The following ANO10 variants were observed in gnomAD, a reference collection of about 807,000 sequenced individuals.
The protein encoded by ANO10 is anoctamin-10.
A neutral mutation model predicts 74.7 loss-of-function variants in ANO10; 77 were observed. The observed-to-expected ratio is 1.03, with a 90% CI of 0.86 to 1.25. The LOEUF is 1.25. ANO10 is among the 50% of genes most tolerant of loss of function. The pLI is 0.00. For missense variants in ANO10, 721 were observed against 778.1 expected, an observed-to-expected ratio of 0.93 and a Z score of 0.87; for synonymous variants, 279 against 284.9, an observed-to-expected ratio of 0.98 and a Z score of 0.21.
chr3:43,458,291 A>G (rs1369125194), intron 11 of ANO10, among the ~76,000 whole-genome samples: 4 of 152,174 alleles, frequency 2.6e-5, no homozygotes. Flanking sequence ...CCCACAGATG[A>G]ATCTCCTTAA....
chr3:43,411,733 G>C (rs951167654), intron 12 of ANO10, among the ~76,000 whole-genome samples: 2 of 152,080 alleles, frequency 1.3e-5, no homozygotes, highest in Non-Finnish European at 2.9e-5. Flanking sequence ...TCCAATGTAG[G>C]GCCATCTAAA....
At position 43,600,550 on chromosome 3, in the gene ANO10, A is replaced by G; in HGVS notation, c.171T>C (p.Asn57=). 1 of 1,613,052 alleles carries G rather than the reference A, an allele frequency of 6.2e-7. No homozygotes were observed. The highest frequency in any genetic ancestry group is 8.5e-7 in the Non-Finnish European group (1 of 1,179,012). ...TTTCTAGTGTTTCTTGTTCATATTT[A>G]TTTAACAATGGTCTAAACAACAACT... ...GAQLLFRPLL[N]KYEQETLENQ... The change falls in exon 3 of 13, where the codon AAT becomes AAC. Residue 57 remains asparagine, a synonymous_variant. Coordinates refer to ENST00000292246, the MANE Select transcript of ANO10 (RefSeq NM_018075.5).
At chr3:43,641,433 C>G (rs551901640) in intron 1 of ANO10, among the ~76,000 whole-genome samples, 1 of 152,182 alleles carries the variant, frequency 6.6e-6, no homozygotes, top group Non-Finnish European at 1.5e-5. Flanking sequence ...TACAAAGCTA[C>G]ATAGCAAGTT....
At chr3:43,658,324 C>T (rs1055217209) in intron 1 of ANO10, among the ~76,000 whole-genome samples, 1 of 152,018 alleles carries the variant, frequency 6.6e-6, no homozygotes, top group Non-Finnish European at 1.5e-5. Context: ...GAAGAATAAG[C>T]ATTAGCATGG....
intron 12 of ANO10, among the ~76,000 whole-genome samples, chr3:43,367,187 C>T (rs911002490): frequency 6.6e-6 from 1 of 152,150 alleles, no homozygotes; most frequent in Non-Finnish European, 1.5e-5. Flanking sequence ...TGTGTGAGCC[C>T]AGACCAGCAG....
At chr3:43,465,366 C>T (rs1381620260) in intron 11 of ANO10, among the ~76,000 whole-genome samples, 1 of 152,136 alleles carries the variant, frequency 6.6e-6, no homozygotes, top group East Asian at 1.9e-4. Flanking sequence ...CAAAAATGTA[C>T]AGCATGTTAC....
intron 1 of ANO10, among the ~76,000 whole-genome samples, chr3:43,611,860 GTAGT>G: frequency 6.6e-6 from 1 of 152,012 alleles, no homozygotes; most frequent in Non-Finnish European, 1.5e-5. Flanking sequence ...TAGGGTAGAG[GTAGT>G]CTACCTAGTG....
At position 43,605,600 on chromosome 3, in the gene ANO10, A is replaced by G. The variant is rs527369414; in HGVS notation, c.139+114T>C. Reference sequence around the variant, plus strand: ...ATTAGTAAATAAAATATATCAACGAAAATTATAAAACACATTTGCAAATAC... The same window carrying G: ...ATTAGTAAATAAAATATATCAACGAGAATTATAAAACACATTTGCAAATAC... On this transcript the variant is annotated intron_variant, in intron 2 of 12. Transcript: ENST00000292246. The G allele has an allele frequency of 1.7e-5, 24 of 1,407,282 alleles. No homozygotes were observed. The South Asian group carries it at 3.0e-4, about 18-fold the overall frequency. The allele number at this position is 1,407,282 out of a possible 1,614,324, so 87.2% of individuals were successfully genotyped here.
At chr3:43,495,583 A>G (rs2076883277) in intron 11 of ANO10, among the ~76,000 whole-genome samples, 1 of 152,220 alleles carries the variant, frequency 6.6e-6, no homozygotes, top group Admixed American at 6.5e-5. Flanking sequence ...GCAGCTTCAC[A>G]GATGAGGCAT....
At chr3:43,639,415 T>C (rs186120111) in intron 1 of ANO10, among the ~76,000 whole-genome samples, 108 of 152,304 alleles carry the variant, frequency 7.1e-4, no homozygotes, top group African/African-American at 2.4e-3. Context: ...GTTTAAGACA[T>C]AGATCCAAAT....
chr3:43,668,801 C>T (rs927108307), intron 1 of ANO10, among the ~76,000 whole-genome samples: 2 of 151,838 alleles, frequency 1.3e-5, no homozygotes, highest in South Asian at 4.2e-4. Flanking sequence ...TATTGATATA[C>T]CTAGATTAAT....
chr3:43,440,284 G>C (rs542925466), intron 11 of ANO10, among the ~76,000 whole-genome samples: 1 of 151,990 alleles, frequency 6.6e-6, no homozygotes, highest in South Asian at 2.1e-4. Flanking sequence ...AAACCAACAA[G>C]AAGAAGATCC....
At chr3:43,661,924 CAA>C (rs1423701276) in intron 1 of ANO10, among the ~76,000 whole-genome samples, 1 of 152,182 alleles carries the variant, frequency 6.6e-6, no homozygotes, top group African/African-American at 2.4e-5. Context: ...TAGAGACCTA[CAA>C]AGAGACTTAG....
At chr3:43,596,835 A>C (rs888498805) in intron 4 of ANO10, among the ~76,000 whole-genome samples, 15 of 152,256 alleles carry the variant, frequency 9.9e-5, no homozygotes, top group African/African-American at 3.1e-4. Context: ...CAACCCACAG[A>C]ATGGGAGAAA....
At chr3:43,532,211 G>A (rs1191601205) in intron 11 of ANO10, among the ~76,000 whole-genome samples, 1 of 152,182 alleles carries the variant, frequency 6.6e-6, no homozygotes, top group East Asian at 1.9e-4. Flanking sequence ...AAATAAAGAG[G>A]CAATAGTCAC....
At chr3:43,683,918 C>T (rs561621576) in intron 1 of ANO10, among the ~76,000 whole-genome samples, 1 of 152,120 alleles carries the variant, frequency 6.6e-6, no homozygotes. Context: ...ACACCTTATA[C>T]AAAAATTAAT....
chr3:43,428,691 GACATA>G (rs2092934242), intron 12 of ANO10, among the ~76,000 whole-genome samples: 1 of 145,384 alleles, frequency 6.9e-6, no homozygotes, highest in African/African-American at 2.5e-5. Context: ...ATCTCAAAGA[GACATA>G]ACATATTTTA....
intron 12 of ANO10, among the ~76,000 whole-genome samples, chr3:43,403,631 T>C (rs1038162864): frequency 4.6e-5 from 7 of 152,186 alleles, no homozygotes; most frequent in African/African-American, 9.6e-5. Context: ...GAAGAAGCAT[T>C]TTCCTGTACT....
chr3:43,668,879 C>T (rs1025617406), intron 1 of ANO10, among the ~76,000 whole-genome samples: 25 of 151,950 alleles, frequency 1.6e-4, no homozygotes, highest in African/African-American at 5.6e-4. Context: ...ATATTCCATA[C>T]TTTTTTTCGC....
Sources: gnomAD v4.1 joint callset for allele counts (sites outside exome capture counted in the v4.1 genomes callset) on GRCh38, gnomAD v4.1.1 for gene constraint, MANE v1.5 for transcripts, NCBI Gene and HGNC (gene_info 2026-07-23, HGNC 2026-07-21) for gene names.